The following PCDHGA6 variants were observed in gnomAD, a reference collection of about 807,000 sequenced individuals.
PCDHGA6 encodes the protein protocadherin gamma-A6.
In PCDHGA6, 41 loss-of-function variants were observed where a neutral mutation model predicts 60.6. That is an observed-to-expected ratio of 0.68 (90% CI 0.53 to 0.88). The LOEUF is 0.88. PCDHGA6 is among the 40% of genes least tolerant of loss of function. PCDHGA6 has a pLI of 0.00. For synonymous variants in PCDHGA6, 594 were observed against 524.4 expected, an observed-to-expected ratio of 1.13 and a Z score of -1.81; for missense variants, 1,312 against 1,203.0, an observed-to-expected ratio of 1.09 and a Z score of -1.34.
intron 1 of PCDHGA6, chr5:141,389,364 C>T: frequency 1.2e-6 from 2 of 1,613,854 alleles, no homozygotes; most frequent in Non-Finnish European, 1.7e-6. Context: ...GGCCAGTGAC[C>T]TGGAGCAGCG....
chr5:141,444,237 T>G (rs1315900009), intron 1 of PCDHGA6, among the ~76,000 whole-genome samples: 1 of 137,132 alleles, frequency 7.3e-6, no homozygotes, highest in Admixed American at 8.0e-5. Flanking sequence ...AATGGCATGC[T>G]CTCGGCTCAC....
In PCDHGA6 at chr5:141,477,877, C is replaced by A; in HGVS notation, c.2425-16930C>A. 1 of 1,614,170 alleles carries A rather than the reference C, an allele frequency of 6.2e-7. No homozygotes were observed. The highest frequency in any genetic ancestry group is 8.5e-7 in the Non-Finnish European group (1 of 1,180,036). On this transcript the variant is annotated intron_variant, in intron 1 of 3. Transcript: ENST00000517434. This position sits in a 1 kb window ranked among gnomAD's most constrained non-coding sequence, Gnocchi z 4.9. The stretch of plus-strand genomic sequence containing the variant: ...TGCTGCCTCGAGGTACCTCAGCTGG[C>A]CACCTAGTGTCACGGGTGGTAGGCT...
intron 1 of PCDHGA6, chr5:141,421,951 A>G: frequency 6.2e-7 from 1 of 1,612,854 alleles, no homozygotes; most frequent in Non-Finnish European, 8.5e-7. Flanking sequence ...TCACATCCCA[A>G]TGTTTACACA....
chr5:141,423,594 C>A, intron 1 of PCDHGA6: 1 of 1,599,308 alleles, frequency 6.3e-7, no homozygotes, highest in South Asian at 1.1e-5. Context: ...GTGAGAAAAG[C>A]GAGCCACTCT....
At chr5:141,388,401 A>G (rs1243768242) in intron 1 of PCDHGA6, 1 of 1,613,908 alleles carries the variant, frequency 6.2e-7, no homozygotes, top group Non-Finnish European at 8.5e-7. Context: ...TTACCAACTC[A>G]GTCCCAGTGA....
intron 1 of PCDHGA6, chr5:141,399,585 T>C (rs1452769752): frequency 6.2e-7 from 1 of 1,613,984 alleles, no homozygotes; most frequent in South Asian, 1.1e-5. Context: ...TCTCCTACTC[T>C]ATCATGGCCA....
chr5:141,428,124 C>T, intron 1 of PCDHGA6: 1 of 1,605,400 alleles, frequency 6.2e-7, no homozygotes, highest in South Asian at 1.1e-5. Context: ...CGAGCCCGGG[C>T]TTTTCAGCCT....
At chr5:141,422,849 C>G in intron 1 of PCDHGA6, 1 of 1,614,238 alleles carries the variant, frequency 6.2e-7, no homozygotes, top group East Asian at 2.2e-5. Flanking sequence ...AGCGGGGACC[C>G]GCCCCTCAGC....
Position 141,432,548 on chromosome 5 carries a change from G to T in PCDHGA6, c.2424+56041G>T, listed in dbSNP as rs1251651638. On this transcript the variant is annotated intron_variant, in intron 1 of 3. Coordinates refer to ENST00000517434, the MANE Select transcript of PCDHGA6 (RefSeq NM_018919.3). The surrounding 1 kb of genome is among the most constrained non-coding windows in gnomAD (Gnocchi z 6.0). ...GACCAAGGTGGTGGCGGTGGACAGA[G>T]ACTCCGGCCAGAACGCCTGGCTGTC... 1.9e-6 allele frequency: 3 copies of T among 1,613,998 alleles called. No homozygotes were observed. The South Asian group carries it at 3.3e-5, about 18-fold the overall frequency.
intron 3 of PCDHGA6, among the ~76,000 whole-genome samples, chr5:141,509,338 C>T (rs2099876319): frequency 6.6e-6 from 1 of 152,188 alleles, no homozygotes; most frequent in Admixed American, 6.5e-5. Flanking sequence ...CCAGCTGGGC[C>T]TGGGCTGGCC....
At chr5:141,411,341 G>A (rs903980826) in intron 1 of PCDHGA6, 4 of 152,064 alleles carry the variant, frequency 2.6e-5, no homozygotes, top group Admixed American at 6.5e-5. Context: ...AGGCTGAATC[G>A]GAAAGTATCA....
intron 1 of PCDHGA6, chr5:141,410,439 G>A (rs775594110): frequency 3.1e-6 from 5 of 1,614,006 alleles, no homozygotes; most frequent in Admixed American, 3.3e-5. Context: ...TACAGTGAGG[G>A]GACTTTGCCT....
chr5:141,423,759 G>GGC, intron 1 of PCDHGA6: 9 of 321,042 alleles, frequency 2.8e-5, no homozygotes, highest in Non-Finnish European at 3.6e-5. Context: ...TTGGGGGGGG[G>GGC]GTGGGGCGGC....
intron 1 of PCDHGA6, chr5:141,418,379 C>T: frequency 6.2e-7 from 1 of 1,613,966 alleles, no homozygotes; most frequent in Non-Finnish European, 8.5e-7. Flanking sequence ...CCAACTAAGT[C>T]CTAACGAGTA....
Position 141,491,244 on chromosome 5 carries a change from T to A in PCDHGA6, c.2425-3563T>A. 1 of 1,614,210 alleles carries A rather than the reference T, an allele frequency of 6.2e-7. No individual in the cohort carries two copies. Among genetic ancestry groups the A allele is most frequent in the Non-Finnish European group, 8.5e-7 (1 of 1,180,024 alleles). On this transcript the variant is annotated intron_variant, in intron 1 of 3. Coordinates refer to ENST00000517434, the MANE Select transcript of PCDHGA6 (RefSeq NM_018919.3). This position sits in a 1 kb window ranked among gnomAD's most constrained non-coding sequence, Gnocchi z 6.9. ...CCACAGTGCTGCTGGTTCTGGAGGA[T>A]GAGGACCCTGAGGAAATGCCCAAAT...
At chr5:141,415,040 C>T (rs772941952) in intron 1 of PCDHGA6, 8 of 1,613,520 alleles carry the variant, frequency 5.0e-6, no homozygotes, top group South Asian at 1.1e-5. Context: ...GGACTCTTCG[C>T]GGTGGGGGAG....
Position 141,432,667 on chromosome 5 carries a change from C to T in PCDHGA6, c.2424+56160C>T, listed in dbSNP as rs1312138743. ...CGGCGCGAGCCCTGCTGGACAGAGACGCGCTCAAGCAGAGCCTCGTAGTGG... is the reference window on the plus strand; with the variant it reads ...CGGCGCGAGCCCTGCTGGACAGAGATGCGCTCAAGCAGAGCCTCGTAGTGG... On this transcript the variant is annotated intron_variant, in intron 1 of 3. Transcript: ENST00000517434. This position sits in a 1 kb window ranked among gnomAD's most constrained non-coding sequence, Gnocchi z 6.0. The T allele has an allele frequency of 1.2e-6, 2 of 1,613,876 alleles. No individual in the cohort carries two copies. The highest frequency in any genetic ancestry group is 1.1e-5 in the South Asian group (1 of 91,066).
At chr5:141,506,231 A>G (rs1453468632) in intron 3 of PCDHGA6, among the ~76,000 whole-genome samples, 4 of 152,082 alleles carry the variant, frequency 2.6e-5, no homozygotes, top group African/African-American at 4.8e-5. Context: ...CAGGAGGATC[A>G]TGAGGTCAGG....
chr5:141,453,796 T>C (rs1592274016), intron 1 of PCDHGA6, among the ~76,000 whole-genome samples: 1 of 152,242 alleles, frequency 6.6e-6, no homozygotes, highest in East Asian at 1.9e-4. Context: ...ATATTAACTT[T>C]GAGTAGTTCC....
Sources: allele counts gnomAD v4.1 joint callset (sites outside exome capture counted in the v4.1 genomes callset), GRCh38; gene constraint gnomAD v4.1.1; non-coding constraint Gnocchi (gnomAD v3.1); transcripts MANE v1.5; gene names NCBI Gene and HGNC (gene_info 2026-07-23, HGNC 2026-07-21).